Variants in SLC2A14 observed in about 807,000 individuals in gnomAD.
SLC2A14 encodes solute carrier family 2, facilitated glucose transporter member 14.
A neutral mutation model predicts 43.0 loss-of-function variants in SLC2A14; 13 were observed. The ratio of observed to expected loss-of-function variants is 0.30; its 90% confidence interval spans 0.20 to 0.48. The LOEUF (loss-of-function observed/expected upper bound fraction) is 0.48, where lower values mean the gene tolerates loss of function less well. Among genes scored for constraint, SLC2A14 ranks in the 20% least tolerant of loss-of-function variants. The pLI is 0.99. For synonymous variants in SLC2A14, 190 were observed against 233.8 expected (o/e 0.81, Z 1.71); for missense variants, 428 against 620.4 (o/e 0.69, Z 3.29).
intron 2 of SLC2A14, among the ~76,000 whole-genome samples, chr12:7,834,563 CAAA>C (rs34192898): frequency 1.2e-3 from 145 of 121,356 alleles, no homozygotes; most frequent in African/African-American, 3.0e-3. Context: ...CCTTCTCTAT[CAAA>C]AAAAAAAAAA....
intron 10 of SLC2A14, among the ~76,000 whole-genome samples, chr12:7,815,953 T>C (rs1054476958): frequency 5.9e-5 from 9 of 151,778 alleles, no homozygotes; most frequent in Non-Finnish European, 1.0e-4. Context: ...CAGGCTTGAG[T>C]GCAATGGTGC....
chr12:7,837,925 T>C (rs1390891485), intron 2 of SLC2A14, among the ~76,000 whole-genome samples: 3 of 151,700 alleles, frequency 2.0e-5, no homozygotes, highest in African/African-American at 2.4e-5. Context: ...GCCTGGTTAA[T>C]TGTTGTGTTT....
intron 10 of SLC2A14, among the ~76,000 whole-genome samples, chr12:7,815,267 A>G (rs1326488196): frequency 6.6e-6 from 1 of 151,602 alleles, no homozygotes; most frequent in Non-Finnish European, 1.5e-5. Flanking sequence ...AAAAAAAAAA[A>G]TTGCTGGGAG....
At chr12:7,870,654 G>A (rs1380354585) in intron 1 of SLC2A14, among the ~76,000 whole-genome samples, 3 of 151,748 alleles carry the variant, frequency 2.0e-5, no homozygotes, top group African/African-American at 7.3e-5. Context: ...CCCACCCTGC[G>A]CCTCACTGTT....
At chr12:7,821,842 TG>T (rs1863938154) in intron 7 of SLC2A14, among the ~76,000 whole-genome samples, 1 of 149,506 alleles carries the variant, frequency 6.7e-6, no homozygotes, top group Non-Finnish European at 1.5e-5. Context: ...TTTTTTTTTT[TG>T]AGATGGAGTC....
chr12:7,839,209 G>A (rs1246409022), intron 2 of SLC2A14, among the ~76,000 whole-genome samples: 1 of 145,232 alleles, frequency 6.9e-6, no homozygotes, highest in Non-Finnish European at 1.5e-5. Flanking sequence ...AAGGGTTGGG[G>A]CTGGGGAAGA....
chr12:7,883,810 CTT>C (rs1440233475), intron 1 of SLC2A14, among the ~76,000 whole-genome samples: 1 of 151,216 alleles, frequency 6.6e-6, no homozygotes, highest in Non-Finnish European at 1.5e-5. Context: ...GTCTCGATCT[CTT>C]GACCTCATGC....
chr12:7,851,645 G>A (rs1329640788), intron 2 of SLC2A14, among the ~76,000 whole-genome samples: 1 of 152,136 alleles, frequency 6.6e-6, no homozygotes, highest in Non-Finnish European at 1.5e-5. Flanking sequence ...TTTGCCACTA[G>A]ATTCTAAGTG....
chr12:7,841,100 G>T (rs1865912742), intron 2 of SLC2A14, among the ~76,000 whole-genome samples: 1 of 152,106 alleles, frequency 6.6e-6, no homozygotes, highest in African/African-American at 2.4e-5. Context: ...ATATAAACAA[G>T]TGTTTCGCTT....
Position 7,828,703 on chromosome 12 carries a change from C to T in SLC2A14, c.676+1G>A, listed in dbSNP as rs1377280150. The T allele has an allele frequency of 6.2e-7, 1 of 1,613,910 alleles. No homozygotes were observed. Among genetic ancestry groups the T allele is most frequent in the Non-Finnish European group, 8.5e-7 (1 of 1,179,922 alleles). On this transcript the variant is annotated splice_donor_variant, in intron 6 of 10. Transcript: ENST00000431042. LOFTEE classifies it high-confidence loss of function. ...TATACTAAAGAGTGAAAGATACTCA[C>T]TCCGCGTAGCATTCTCCTCTTTTTT... is the stretch of plus-strand genomic sequence containing the variant.
chr12:7,882,012 T>TG (rs1453370176), intron 1 of SLC2A14, among the ~76,000 whole-genome samples: 1 of 151,932 alleles, frequency 6.6e-6, no homozygotes, highest in Non-Finnish European at 1.5e-5. Flanking sequence ...AGGATGTGGG[T>TG]GGGGCCAGAT....
At chr12:7,840,139 G>A (rs1393399164) in intron 2 of SLC2A14, among the ~76,000 whole-genome samples, 1 of 145,432 alleles carries the variant, frequency 6.9e-6, no homozygotes, top group Non-Finnish European at 1.5e-5. Context: ...GTGCGGTGGG[G>A]GGACTTCAGA....
chr12:7,870,241 A>G (rs965016421), intron 1 of SLC2A14, among the ~76,000 whole-genome samples: 1 of 152,146 alleles, frequency 6.6e-6, no homozygotes, highest in African/African-American at 2.4e-5. Flanking sequence ...TCTGTCACCA[A>G]CTAGCAGTTT....
chr12:7,847,665 C>G (rs942037483), intron 2 of SLC2A14, among the ~76,000 whole-genome samples: 3 of 152,162 alleles, frequency 2.0e-5, no homozygotes, highest in African/African-American at 7.2e-5. Context: ...AATCTGGCTT[C>G]TCTTAGCCCA....
At chr12:7,849,200 A>G (rs890906718) in intron 2 of SLC2A14, among the ~76,000 whole-genome samples, 1 of 152,018 alleles carries the variant, frequency 6.6e-6, no homozygotes, top group Non-Finnish European at 1.5e-5. Flanking sequence ...GCAAGATAAC[A>G]TCTTGATAAA....
chr12:7,844,524 G>A (rs913843018), intron 2 of SLC2A14, among the ~76,000 whole-genome samples: 2 of 149,570 alleles, frequency 1.3e-5, no homozygotes, highest in Non-Finnish European at 3.0e-5. Flanking sequence ...GCTATTTTTT[G>A]CCAGTAAATA....
At chr12:7,859,517 T>C (rs1308759622) in intron 2 of SLC2A14, among the ~76,000 whole-genome samples, 1 of 151,794 alleles carries the variant, frequency 6.6e-6, no homozygotes. Context: ...GTATTAACCA[T>C]GGGAATAAAT....
At chr12:7,840,136 G>A (rs1592216683) in intron 2 of SLC2A14, among the ~76,000 whole-genome samples, 2 of 142,888 alleles carry the variant, frequency 1.4e-5, no homozygotes, top group African/African-American at 5.1e-5. Context: ...AAAGTGCGGT[G>A]GGGGGACTTC....
intron 1 of SLC2A14, chr12:7,890,963 G>T: frequency 1.3e-6 from 2 of 1,521,062 alleles, no homozygotes; most frequent in African/African-American, 1.4e-5. Flanking sequence ...TGGACTACCT[G>T]CCTTGAAGCA....
Sources: allele counts gnomAD v4.1 joint callset (sites outside exome capture counted in the v4.1 genomes callset), GRCh38; gene constraint gnomAD v4.1.1; transcripts MANE v1.5; gene names NCBI Gene and HGNC (gene_info 2026-07-23, HGNC 2026-07-21).